The following CA8 variants were observed in gnomAD, a reference collection of about 807,000 sequenced individuals.
CA8 encodes the protein carbonic anhydrase 8 (inactive), also known as carbonic anhydrase-related protein.
In CA8, 22 loss-of-function variants were observed where a neutral mutation model predicts 41.4. The ratio of observed to expected loss-of-function variants is 0.53; its 90% CI spans 0.38 to 0.76. The LOEUF (loss-of-function observed/expected upper bound fraction) is 0.76, where lower values mean the gene tolerates loss of function less well. Among genes scored for constraint, CA8 ranks in the 30% least tolerant of loss-of-function variants. The pLI is 0.00. For missense variants in CA8, 270 were observed against 352.8 expected (o/e 0.77, Z 1.88); for synonymous variants, 121 against 130.6 (o/e 0.93, Z 0.50).
At chr8:60,277,744 G>A (rs10099424) in intron 2 of CA8, among the ~76,000 whole-genome samples, 152,247 of 152,364 alleles carry the variant, frequency 1, 76,065 homozygotes, top group Middle Eastern at 1. Context: ...CTTACAAATG[G>A]TTCCTCTGAG....
intron 8 of CA8, among the ~76,000 whole-genome samples, chr8:60,201,463 G>A (rs751015948): frequency 1.3e-5 from 2 of 152,142 alleles, no homozygotes; most frequent in Non-Finnish European, 2.9e-5. Context: ...GAAAGGTGGT[G>A]CAGGTAGAAA....
chr8:60,203,831 T>C (rs1211370671), intron 8 of CA8, among the ~76,000 whole-genome samples: 1 of 152,160 alleles, frequency 6.6e-6, no homozygotes, highest in East Asian at 1.9e-4. Context: ...ATAAAAAAAA[T>C]TCACTTCATT....
chr8:60,198,186 T>C (rs62509957), intron 8 of CA8, among the ~76,000 whole-genome samples: 7,884 of 152,234 alleles, frequency 0.052, 231 homozygotes, highest in South Asian at 0.1. Flanking sequence ...TGCACTTTAC[T>C]GGCTGTGACC....
intron 7 of CA8, among the ~76,000 whole-genome samples, chr8:60,220,536 C>A (rs1036169483): frequency 6.6e-6 from 1 of 152,146 alleles, no homozygotes; most frequent in Admixed American, 6.6e-5. Flanking sequence ...TCAGTATTAA[C>A]CCCCTCCTCC....
chr8:60,228,141 A>T (rs1014239721), intron 4 of CA8, among the ~76,000 whole-genome samples: 1 of 152,248 alleles, frequency 6.6e-6, no homozygotes, highest in Non-Finnish European at 1.5e-5. Context: ...AAGGGAGAGG[A>T]GAGAGACAAG....
At chr8:60,270,905 T>C (rs1316315091) in intron 2 of CA8, among the ~76,000 whole-genome samples, 3 of 152,206 alleles carry the variant, frequency 2.0e-5, no homozygotes, top group Non-Finnish European at 2.9e-5. Flanking sequence ...ATGGCTTTAT[T>C]AAATATCTTC....
At chr8:60,236,913 C>T (rs1807848920) in intron 3 of CA8, among the ~76,000 whole-genome samples, 1 of 152,130 alleles carries the variant, frequency 6.6e-6, no homozygotes, top group African/African-American at 2.4e-5. Flanking sequence ...GCTTAGGAAA[C>T]GATGAAGTGG....
chr8:60,250,088 T>C (rs539741048), intron 3 of CA8, among the ~76,000 whole-genome samples: 149 of 152,338 alleles, frequency 9.8e-4, no homozygotes, highest in Middle Eastern at 3.4e-3. Flanking sequence ...GCATTGGTGA[T>C]AGGATACCAA....
intron 8 of CA8, among the ~76,000 whole-genome samples, chr8:60,207,279 A>AT (rs1169628058): frequency 6.6e-6 from 1 of 152,216 alleles, no homozygotes; most frequent in Non-Finnish European, 1.5e-5. Flanking sequence ...CTCCCACAAG[A>AT]TTTTATGCAC....
chr8:60,265,871 C>T, intron 3 of CA8, 54 bp downstream of exon 3: 1 of 1,579,972 alleles, frequency 6.3e-7, no homozygotes, highest in Non-Finnish European at 8.7e-7. Context: ...CAGTAAATCG[C>T]TGAATACTTT....
chr8:60,243,465 C>A (rs1435765553), intron 3 of CA8, among the ~76,000 whole-genome samples: 5 of 151,618 alleles, frequency 3.3e-5, no homozygotes, highest in Non-Finnish European at 7.4e-5. Flanking sequence ...ACCTCACATA[C>A]CCTCCTACTA....
At chr8:60,232,470 T>C (rs1563358927) in intron 3 of CA8, 91 bp from the exon 4 acceptor site, 2 of 893,512 alleles carry the variant, frequency 2.2e-6, no homozygotes, top group South Asian at 1.3e-5. Flanking sequence ...ACTATTTCTA[T>C]ATGGTATCAC....
At position 60,185,697 on chromosome 8, in the gene CA8, T is replaced by C. The variant is rs1056719072; in HGVS notation, c.*4324A>G. On this transcript the variant is annotated 3_prime_UTR_variant, in exon 9 of 9. Transcript: ENST00000317995. ...AACTTTTCACCAGGAGTTTTATATT[T>C]AGCAAAACTATCTCAAAGAAGGTAA... 6.6e-6 allele frequency among the ~76,000 whole-genome samples: 1 copy of C among 152,104 alleles called. No homozygotes were observed. Among genetic ancestry groups the C allele is most frequent in the African/African-American group, 2.4e-5 (1 of 41,432 alleles).
chr8:60,270,384 C>A (rs1804031197), intron 2 of CA8, among the ~76,000 whole-genome samples: 2 of 152,116 alleles, frequency 1.3e-5, no homozygotes, highest in Non-Finnish European at 2.9e-5. Flanking sequence ...AGGATTCATT[C>A]TTATTTTATT....
At chr8:60,264,302 G>A (rs929091236) in intron 3 of CA8, among the ~76,000 whole-genome samples, 2 of 152,158 alleles carry the variant, frequency 1.3e-5, no homozygotes, top group African/African-American at 2.4e-5. Flanking sequence ...CCTTTCCCTA[G>A]AACTTTTGTT....
intron 8 of CA8, among the ~76,000 whole-genome samples, chr8:60,206,320 T>C (rs972351552): frequency 2.0e-5 from 3 of 152,028 alleles, no homozygotes; most frequent in African/African-American, 7.2e-5. Flanking sequence ...ATATACAAAA[T>C]CTCATAAACA....
intron 3 of CA8, among the ~76,000 whole-genome samples, chr8:60,262,380 A>G (rs1803763742): frequency 6.6e-6 from 1 of 151,776 alleles, no homozygotes; most frequent in Non-Finnish European, 1.5e-5. Context: ...GTTAGACTTC[A>G]CAAGCTAAGA....
rs137989750 is a variant in CA8 at position 60,237,767 on chromosome 8, G to A, written c.418-5388C>T. Among the ~76,000 whole-genome samples, 8 of 152,280 alleles carry A rather than the reference G, an allele frequency of 5.3e-5. No individual in the cohort carries two copies. In the East Asian group the frequency reaches 1.5e-3, roughly 29 times the overall value. ...TCTCCCTCCAAAGGCAAAAGGTTTG[G>A]CCTCCTCCTACACTTGGGCACCTCA... is the stretch of plus-strand genomic sequence containing the variant. On this transcript the variant is annotated intron_variant, in intron 3 of 8. Transcript: ENST00000317995.
chr8:60,190,300 T>A (rs1335851588), intron 8 of CA8, among the ~76,000 whole-genome samples: 1 of 151,188 alleles, frequency 6.6e-6, no homozygotes, highest in East Asian at 1.9e-4. Flanking sequence ...ATAATAAAAA[T>A]AAAGCTTTAA....
Sources: gnomAD v4.1 joint callset for allele counts (sites outside exome capture counted in the v4.1 genomes callset) on GRCh38, gnomAD v4.1.1 for gene constraint, MANE v1.5 for transcripts, NCBI Gene and HGNC (gene_info 2026-07-23, HGNC 2026-07-21) for gene names.